The following BICC1 variants were observed in gnomAD, a reference collection of about 807,000 sequenced individuals.
BICC1 encodes the protein BicC family RNA binding protein 1.
Under a neutral mutation model 111.0 loss-of-function variants are expected in BICC1, and 43 were observed. The observed-to-expected ratio is 0.39, with a 90% confidence interval of 0.30 to 0.50. The LOEUF is 0.50. Among genes scored for constraint, BICC1 ranks in the 20% least tolerant of loss-of-function variants. BICC1 has a pLI of 0.88. For synonymous variants in BICC1, 467 were observed against 434.4 expected, an observed-to-expected ratio of 1.07 and a Z score of -0.93; for missense variants, 1,091 against 1,203.2, an observed-to-expected ratio of 0.91 and a Z score of 1.38.
intron 3 of BICC1, among the ~76,000 whole-genome samples, chr10:58,750,117 A>G (rs1472315690): frequency 1.1e-4 from 17 of 152,156 alleles, no homozygotes; most frequent in African/African-American, 3.9e-4. Flanking sequence ...ACAGACCATG[A>G]GAAACTTCTA....
At chr10:58,794,962 A>C (rs1843304333) in intron 9 of BICC1, among the ~76,000 whole-genome samples, 1 of 152,196 alleles carries the variant, frequency 6.6e-6, no homozygotes, top group African/African-American at 2.4e-5. Flanking sequence ...GCATCGTAGT[A>C]TGTAGTCAAT....
intron 3 of BICC1, among the ~76,000 whole-genome samples, chr10:58,705,891 G>C (rs1453399753): frequency 6.6e-6 from 1 of 152,100 alleles, no homozygotes; most frequent in Admixed American, 6.5e-5. Context: ...TTATTGGAAG[G>C]TTGAGTCATC....
intron 3 of BICC1, among the ~76,000 whole-genome samples, chr10:58,764,328 A>G (rs187744413): frequency 2.3e-4 from 35 of 152,302 alleles, no homozygotes; most frequent in African/African-American, 7.2e-4. Context: ...ACTGAGCCAT[A>G]GAAGTGGAAA....
chr10:58,718,360 T>TA (rs1840815393), intron 3 of BICC1, among the ~76,000 whole-genome samples: 1 of 152,168 alleles, frequency 6.6e-6, no homozygotes, highest in Non-Finnish European at 1.5e-5. Context: ...ATGCAGCCCT[T>TA]ATGACTTAAT....
rs1285894855 is a variant in BICC1, at chr10:58,800,942, T to C, written c.1911T>C (p.Ser637=). The part of the protein sequence containing the change: ...EVGMPRSPSH[S]GNAGDLKQMM... ...GCATGCCTCGAAGTCCTTCCCATTC[T>C]GGGAATGCTGGTGACTTGAAACAGA... Residue 637 remains serine, a synonymous_variant, in exon 14 of 21, where the codon TCT becomes TCC. Coordinates refer to ENST00000373886, the MANE Select transcript of BICC1 (RefSeq NM_001080512.3). The C allele has an allele frequency of 6.2e-7, 1 of 1,610,556 alleles. No individual in the cohort carries two copies. The highest frequency in any genetic ancestry group is 1.3e-5 in the African/African-American group (1 of 74,714).
chr10:58,516,984 A>G (rs1044556021), intron 1 of BICC1, among the ~76,000 whole-genome samples: 1 of 152,204 alleles, frequency 6.6e-6, no homozygotes, highest in African/African-American at 2.4e-5. Context: ...CAGGATTCCT[A>G]TATTAATACT....
intron 2 of BICC1, among the ~76,000 whole-genome samples, chr10:58,629,286 G>A (rs930921603): frequency 2.8e-4 from 42 of 150,518 alleles, no homozygotes; most frequent in African/African-American, 9.1e-4. Context: ...TCTTCTAGTC[G>A]GGGATATCGT....
intron 1 of BICC1, among the ~76,000 whole-genome samples, chr10:58,582,305 C>G (rs1297296557): frequency 1.3e-5 from 2 of 152,172 alleles, no homozygotes; most frequent in East Asian, 1.9e-4. Context: ...TTCTTACTAA[C>G]ATGATGTGGT....
At chr10:58,729,437 G>C (rs1841217222) in intron 3 of BICC1, among the ~76,000 whole-genome samples, 1 of 152,228 alleles carries the variant, frequency 6.6e-6, no homozygotes, top group Non-Finnish European at 1.5e-5. Context: ...AAATTGAAGA[G>C]AGTTAGGGCT....
chr10:58,791,486 C>T (rs1001273280), intron 8 of BICC1, among the ~76,000 whole-genome samples: 11 of 152,062 alleles, frequency 7.2e-5, no homozygotes, highest in Admixed American at 6.6e-4. Context: ...ACCTGTAATC[C>T]CAACACTTTG....
intron 1 of BICC1, among the ~76,000 whole-genome samples, chr10:58,574,724 AAAT>A (rs1337840327): frequency 6.6e-6 from 1 of 152,192 alleles, no homozygotes; most frequent in Non-Finnish European, 1.5e-5. Flanking sequence ...ATATTTTTAA[AAAT>A]AACATAAAAC....
chr10:58,524,734 T>C (rs1356560554), intron 1 of BICC1, among the ~76,000 whole-genome samples: 4 of 151,898 alleles, frequency 2.6e-5, no homozygotes, highest in South Asian at 4.1e-4. Context: ...ACTAAAGAGC[T>C]TCTGCACAGC....
chr10:58,572,800 C>T (rs753209713), intron 1 of BICC1, among the ~76,000 whole-genome samples: 1 of 152,002 alleles, frequency 6.6e-6, no homozygotes, highest in Non-Finnish European at 1.5e-5. Context: ...CACCAGATAG[C>T]CAGAGGTAAA....
At chr10:58,526,086 T>G (rs949017570) in intron 1 of BICC1, among the ~76,000 whole-genome samples, 1 of 151,980 alleles carries the variant, frequency 6.6e-6, no homozygotes, top group African/African-American at 2.4e-5. Context: ...CCAATTTGTA[T>G]TATCTCTTAC....
chr10:58,794,560 A>C (rs1843291076), intron 9 of BICC1, among the ~76,000 whole-genome samples: 5 of 151,974 alleles, frequency 3.3e-5, no homozygotes, highest in Admixed American at 3.3e-4. Context: ...CTGGGACCAC[A>C]GGCATGTGCC....
chr10:58,554,285 A>T (rs1203483691), intron 1 of BICC1, among the ~76,000 whole-genome samples: 5 of 152,164 alleles, frequency 3.3e-5, no homozygotes, highest in Non-Finnish European at 7.4e-5. Context: ...CTATTAGCTT[A>T]TCTGTTTTAT....
intron 2 of BICC1, among the ~76,000 whole-genome samples, chr10:58,678,115 T>C (rs1033007179): frequency 3.3e-5 from 5 of 152,120 alleles, no homozygotes; most frequent in African/African-American, 1.2e-4. Context: ...CCATCGATGC[T>C]AGGAAGAAAC....
At chr10:58,605,743 T>C (rs1032243807) in intron 1 of BICC1, among the ~76,000 whole-genome samples, 4 of 152,254 alleles carry the variant, frequency 2.6e-5, no homozygotes, top group Non-Finnish European at 5.9e-5. Context: ...TGTATTTGTT[T>C]AGTATAGACA....
chr10:58,773,394 A>G (rs2132730589), intron 3 of BICC1, among the ~76,000 whole-genome samples: 1 of 152,372 alleles, frequency 6.6e-6, no homozygotes, highest in Middle Eastern at 3.4e-3. Flanking sequence ...AGTTAACTCC[A>G]AATGGTGTAA....
Sources: gnomAD v4.1 joint callset for allele counts (sites outside exome capture counted in the v4.1 genomes callset) on GRCh38, gnomAD v4.1.1 for gene constraint, MANE v1.5 for transcripts, NCBI Gene and HGNC (gene_info 2026-07-23, HGNC 2026-07-21) for gene names.